GLI3: variants seen among roughly 807,000 people sequenced by gnomAD.
GLI3 encodes the protein transcription activator GLI3.
A neutral mutation model predicts 100.8 loss-of-function variants in GLI3; 20 were observed. That is an observed-to-expected ratio of 0.20 (90% CI 0.14 to 0.29). The LOEUF is 0.29. GLI3 is among the 10% of genes least tolerant of loss of function. The probability of loss-of-function intolerance (pLI) is 1.00; values close to 1 mark genes in which losing one functional copy is unlikely to be tolerated. For synonymous variants in GLI3, 938 were observed against 860.5 expected (o/e 1.09, Z -1.58); for missense variants, 2,040 against 2,128.5 (o/e 0.96, Z 0.82).
chr7:42,093,694 T>C (rs1402945624), intron 3 of GLI3, among the ~76,000 whole-genome samples: 1 of 152,162 alleles, frequency 6.6e-6, no homozygotes, highest in African/African-American at 2.4e-5. Flanking sequence ...ACTCATGAAA[T>C]TTAATACTGT....
chr7:42,126,474 C>T (rs1189654492), intron 3 of GLI3, among the ~76,000 whole-genome samples: 1 of 152,132 alleles, frequency 6.6e-6, no homozygotes, highest in Non-Finnish European at 1.5e-5. Context: ...GTAGAAAATG[C>T]TAACTAAAGA....
intron 10 of GLI3, among the ~76,000 whole-genome samples, chr7:42,002,482 C>T (rs193199841): frequency 1.1e-4 from 17 of 151,996 alleles, no homozygotes; most frequent in Admixed American, 7.2e-4. Flanking sequence ...TATACCAGTA[C>T]CAATTTATAA....
intron 1 of GLI3, among the ~76,000 whole-genome samples, chr7:42,250,017 T>C (rs9691041): frequency 0.41 from 61,897 of 151,790 alleles, 12,865 homozygotes; most frequent in Middle Eastern, 0.57. Flanking sequence ...ATTGCTTGAA[T>C]CCAGGAGGTC....
chr7:41,964,423 C>T lies in GLI3; in HGVS notation c.4650G>A (p.Leu1550=), dbSNP rs1787100534. Residue 1550 remains leucine, a synonymous_variant, in exon 15 of 15, where the codon CTG becomes CTA. Coordinates refer to ENST00000395925, the MANE Select transcript of GLI3 (RefSeq NM_000168.6). ...TPRASLPFPA[L]SMSTTNMAIG... ...TAGCCATGTTGGTGGTGCTCATGGA[C>T]AGCGCTGGGAATGGGAGGGACGCCC... The T allele has an allele frequency of 6.2e-7, 1 of 1,614,082 alleles. No individual in the cohort carries two copies. Among genetic ancestry groups the T allele is most frequent in the Non-Finnish European group, 8.5e-7 (1 of 1,179,944 alleles).
intron 4 of GLI3, among the ~76,000 whole-genome samples, chr7:42,062,690 T>TTA: frequency 7.1e-6 from 1 of 140,940 alleles, no homozygotes; most frequent in South Asian, 2.3e-4. Context: ...GAGAGAAGGT[T>TTA]TATATATTAT....
intron 12 of GLI3, among the ~76,000 whole-genome samples, chr7:41,974,510 G>T (rs1465600621): frequency 6.6e-6 from 1 of 152,164 alleles, no homozygotes. Flanking sequence ...GATTCTGCAA[G>T]CACAAAGTTG....
rs551435234 is a variant in GLI3, at chr7:42,193,332, G to C, written c.124+29798C>G. 5.9e-5 allele frequency among the ~76,000 whole-genome samples: 9 copies of C among 152,028 alleles called. No individual in the cohort carries two copies. In the South Asian group the frequency reaches 1.7e-3, roughly 28 times the overall value. On this transcript the variant is annotated intron_variant, in intron 2 of 14. Coordinates refer to ENST00000395925, the MANE Select transcript of GLI3 (RefSeq NM_000168.6). ...CAAAAGGGGTTTAAAAAAATCCCTC[G>C]AGGAAGCTTCTATCTCCTCCACCCA...
At chr7:41,977,941 G>GTTT in intron 11 of GLI3, 17 of 516,486 alleles carry the variant, frequency 3.3e-5, no homozygotes, top group Middle Eastern at 5.3e-4. Context: ...AAGTCCTGAA[G>GTTT]TTTTTTTTTT....
chr7:42,248,798 A>T (rs985091521), intron 1 of GLI3, among the ~76,000 whole-genome samples: 2 of 142,380 alleles, frequency 1.4e-5, no homozygotes, highest in Non-Finnish European at 3.2e-5. Flanking sequence ...TTATTCATTT[A>T]TTTTTTTTGA....
chr7:42,028,341 C>T (rs1789182389), intron 7 of GLI3, among the ~76,000 whole-genome samples: 1 of 152,112 alleles, frequency 6.6e-6, no homozygotes. Context: ...TTCTGGGAGA[C>T]ACGACATTTG....
chr7:42,164,827 G>A (rs1301200851), intron 2 of GLI3, among the ~76,000 whole-genome samples: 1 of 147,342 alleles, frequency 6.8e-6, no homozygotes, highest in East Asian at 2.0e-4. Context: ...GAGACTATGT[G>A]TCAAATAAAT....
chr7:42,236,508 G>T (rs1018578161), intron 1 of GLI3, among the ~76,000 whole-genome samples: 2 of 152,086 alleles, frequency 1.3e-5, no homozygotes, highest in South Asian at 2.1e-4. Flanking sequence ...CGCGGCGGAG[G>T]TCCCCGCGCG....
At chr7:41,982,228 A>G (rs1158505766) in intron 10 of GLI3, among the ~76,000 whole-genome samples, 1 of 152,164 alleles carries the variant, frequency 6.6e-6, no homozygotes, top group African/African-American at 2.4e-5. Context: ...CCTCTTCTTT[A>G]CTGCTTAAAT....
At chr7:41,971,909 T>C (rs1458879359) in intron 13 of GLI3, among the ~76,000 whole-genome samples, 1 of 152,160 alleles carries the variant, frequency 6.6e-6, no homozygotes, top group Non-Finnish European at 1.5e-5. Flanking sequence ...TCCATCACAC[T>C]GCACGGTATT....
chr7:42,216,581 C>T lies in GLI3; in HGVS notation c.124+6549G>A, dbSNP rs115387775. ...TAATAAGAGGGGAAAGTATGTATGA[C>T]GGGGTATATGAGAACTCTCTGTGTC... is the stretch of plus-strand genomic sequence containing the variant. On this transcript the variant is annotated intron_variant, in intron 2 of 14. Transcript: ENST00000395925. 4.2e-3 allele frequency among the ~76,000 whole-genome samples: 640 copies of T among 152,170 alleles called. 4 individuals carry two copies. Among genetic ancestry groups the T allele is most frequent in the African/African-American group, 0.014 (581 of 41,524 alleles).
In GLI3 at chr7:42,026,366, T is replaced by G. The variant is rs1219185454; in HGVS notation, c.1075A>C (p.Met359Leu). 6.2e-7 allele frequency: 1 copy of G among 1,614,060 alleles called. No individual in the cohort carries two copies. The highest frequency in any genetic ancestry group is 2.2e-5 in the East Asian group (1 of 44,864). Residue 359 changes from methionine (M) to leucine (L), a missense_variant, in exon 8 of 15, where the codon ATG becomes CTG. Met to Leu is a conservative substitution (Grantham distance 15, BLOSUM62 2). Around this residue, in one of 5 missense-constraint regions of GLI3, gnomAD observed 603 missense variants for 690.9 expected, o/e 0.87. Coordinates refer to ENST00000395925, the MANE Select transcript of GLI3 (RefSeq NM_000168.6). ...TGTCGGCTTAGGATCTGCTGATGCA[T>G]GTGGAGAGAGACGGGCGCGGAAGAG... is the stretch of plus-strand genomic sequence containing the variant. ...TYSSAPVSLH[M>L]HQQILSRQQS...
chr7:42,248,421 C>T (rs34865893), intron 1 of GLI3, among the ~76,000 whole-genome samples: 3 of 152,168 alleles, frequency 2.0e-5, no homozygotes, highest in African/African-American at 7.2e-5. Context: ...AAATTATGTT[C>T]TAAATCACAG....
intron 3 of GLI3, among the ~76,000 whole-genome samples, chr7:42,102,256 A>AT (rs943605948): frequency 1.3e-5 from 2 of 152,236 alleles, no homozygotes; most frequent in African/African-American, 2.4e-5. Flanking sequence ...CTGAGGAATC[A>AT]TTTTTTTAAA....
At chr7:42,012,702 T>C (rs1038112676) in intron 10 of GLI3, among the ~76,000 whole-genome samples, 2 of 152,148 alleles carry the variant, frequency 1.3e-5, no homozygotes, top group African/African-American at 4.8e-5. Context: ...AAATCTGCAT[T>C]ATATCAATTA....
Sources: gnomAD v4.1 joint callset for allele counts (sites outside exome capture counted in the v4.1 genomes callset) on GRCh38, gnomAD v4.1.1 for gene constraint, gnomAD v4.1.1 regional missense constraint, MANE v1.5 for transcripts, NCBI Gene and HGNC (gene_info 2026-07-23, HGNC 2026-07-21) for gene names.